The following PLAC1 variants were observed in gnomAD, a reference collection of about 807,000 sequenced individuals.
PLAC1 encodes the protein placenta associated 1.
For synonymous variants in PLAC1, 68 were observed against 62.1 expected (o/e 1.09, Z -0.44); for missense variants, 136 against 163.2 (o/e 0.83, Z 0.91).
intron 1 of PLAC1, among the ~76,000 whole-genome samples, chrX:134,624,947 T>C (rs941815063): frequency 3.6e-5 from 4 of 109,851 alleles, no homozygotes; most frequent in Admixed American, 9.7e-5. Context: ...GATAGATAGA[T>C]AGATAGGAGA....
intron 1 of PLAC1, among the ~76,000 whole-genome samples, chrX:134,610,884 G>C (rs1024497820): frequency 9.0e-6 from 1 of 111,723 alleles, no homozygotes; most frequent in African/African-American, 3.3e-5. Context: ...CTAGAGTGCA[G>C]TGGTATGATC....
chrX:134,703,839 A>G (rs907363382), intron 2 of PLAC1, among the ~76,000 whole-genome samples: 2 of 109,356 alleles, frequency 1.8e-5, no homozygotes, highest in Non-Finnish European at 3.8e-5. Flanking sequence ...GATAGAGAGT[A>G]GAAGATTAGA....
upstream of PLAC1, among the ~76,000 whole-genome samples, chrX:134,662,431 T>C (rs749665114): frequency 8.9e-6 from 1 of 112,645 alleles, no homozygotes; most frequent in Non-Finnish European, 1.9e-5. Flanking sequence ...TCAAGTTGTG[T>C]AGCCTGAAGT....
chrX:134,658,066 T>A (rs2078400899), intron 1 of PLAC1, among the ~76,000 whole-genome samples: 2 of 111,843 alleles, frequency 1.8e-5, no homozygotes, highest in Admixed American at 1.9e-4. Context: ...TAGATTTAAA[T>A]AAAGAACAGA....
chrX:134,727,783 A>G (rs1348353222), intron 2 of PLAC1, among the ~76,000 whole-genome samples: 1 of 112,049 alleles, frequency 8.9e-6, no homozygotes, highest in Non-Finnish European at 1.9e-5. Context: ...GGAAAAGAAA[A>G]CAATCAATAG....
intron 1 of PLAC1, among the ~76,000 whole-genome samples, chrX:134,614,077 C>T (rs1433420961): frequency 1.8e-5 from 2 of 110,542 alleles, no homozygotes; most frequent in African/African-American, 6.6e-5. Flanking sequence ...TTCCCTCCAC[C>T]TCCCTAGCAG....
chrX:134,610,401 A>G (rs1006411743), intron 1 of PLAC1, among the ~76,000 whole-genome samples: 11 of 110,906 alleles, frequency 9.9e-5, no homozygotes, highest in African/African-American at 3.6e-4. Flanking sequence ...CTTCTCGGCC[A>G]TGGTTTTCCT....
chrX:134,570,366 C>T (rs973512828), intron 2 of PLAC1, among the ~76,000 whole-genome samples: 11 of 111,197 alleles, frequency 9.9e-5, no homozygotes, highest in Non-Finnish European at 5.7e-5. Context: ...TTTTAGCCAT[C>T]ATGCGGGCCA....
chrX:134,570,293 G>T (rs1289860048), intron 2 of PLAC1, among the ~76,000 whole-genome samples: 2 of 111,487 alleles, frequency 1.8e-5, no homozygotes, highest in Non-Finnish European at 3.8e-5. Flanking sequence ...AAGGCTGAGG[G>T]GTTAGAGATG....
chrX:134,704,506 C>A (rs1263869072), intron 2 of PLAC1, among the ~76,000 whole-genome samples: 7 of 93,714 alleles, frequency 7.5e-5, no homozygotes, highest in East Asian at 3.4e-4. Flanking sequence ...AAAAAAAAAA[C>A]AAAATAACAA....
intron 2 of PLAC1, among the ~76,000 whole-genome samples, chrX:134,663,475 C>T (rs749218925): frequency 8.9e-6 from 1 of 112,783 alleles, no homozygotes; most frequent in Admixed American, 9.3e-5. Context: ...CGTGTGCACA[C>T]GTGCAGATTG....
At chrX:134,637,929 C>T (rs779210606) in intron 1 of PLAC1, among the ~76,000 whole-genome samples, 1 of 112,068 alleles carries the variant, frequency 8.9e-6, no homozygotes, top group African/African-American at 3.2e-5. Flanking sequence ...ACTGTATTTC[C>T]TGGAACACAG....
At chrX:134,714,988 G>A (rs932269063) in intron 2 of PLAC1, among the ~76,000 whole-genome samples, 1 of 111,779 alleles carries the variant, frequency 8.9e-6, no homozygotes, top group Non-Finnish European at 1.9e-5. Flanking sequence ...ATTTCAGGAA[G>A]AGAATGAGGT....
intron 1 of PLAC1, among the ~76,000 whole-genome samples, chrX:134,637,951 T>C (rs2078290882): frequency 8.9e-6 from 1 of 112,398 alleles, no homozygotes; most frequent in Non-Finnish European, 1.9e-5. Context: ...AGGTGCTCAA[T>C]AAATTTTTGT....
chrX:134,643,932 G>GAATAATAATAATAATAAT (rs59970411), intron 1 of PLAC1, among the ~76,000 whole-genome samples: 10 of 100,487 alleles, frequency 1.0e-4, no homozygotes, highest in African/African-American at 3.2e-4. Context: ...TGTAAAAGAG[G>GAATAATAATAATAATAAT]AATAATAATA....
chrX:134,625,918 C>T (rs1056315412), intron 1 of PLAC1, among the ~76,000 whole-genome samples: 1 of 110,976 alleles, frequency 9.0e-6, no homozygotes, highest in Non-Finnish European at 1.9e-5. Flanking sequence ...GGCTGAAACT[C>T]GCAGGCTATC....
At chrX:134,727,476 C>A (rs2147841436) in intron 2 of PLAC1, among the ~76,000 whole-genome samples, 1 of 112,294 alleles carries the variant, frequency 8.9e-6, no homozygotes, top group East Asian at 2.8e-4. Flanking sequence ...ATATTTATAT[C>A]TTGCTTCTCT....
At chrX:134,621,576 A>C (rs2078211349) in intron 1 of PLAC1, among the ~76,000 whole-genome samples, 1 of 110,984 alleles carries the variant, frequency 9.0e-6, no homozygotes, top group Non-Finnish European at 1.9e-5. Flanking sequence ...TTGAATCCTC[A>C]ATGACTGAAC....
Position 134,566,758 on chromosome X carries a change from A to G in PLAC1, c.-58-18T>C. On this transcript the variant is annotated intron_variant, in intron 2 of 2. Coordinates refer to ENST00000359237, the MANE Select transcript of PLAC1 (RefSeq NM_021796.4). ...GAGGATTTCTAGAGCACAAAAAAAC[A>G]CAAGAGGCAAGTCATCTTATTTTCT... 1 of 806,878 alleles carries G rather than the reference A, an allele frequency of 1.2e-6. No individual in the cohort carries two copies. Among genetic ancestry groups the G allele is most frequent in the South Asian group, 2.8e-5 (1 of 36,024 alleles). 66.5% of individuals were successfully genotyped at this position (806,878 alleles called of 1,213,427 possible).
Sources: allele counts gnomAD v4.1 joint callset (sites outside exome capture counted in the v4.1 genomes callset), GRCh38; gene constraint gnomAD v4.1.1; transcripts MANE v1.5; gene names NCBI Gene and HGNC (gene_info 2026-07-23, HGNC 2026-07-21).